Variants in PCDH7 observed in about 807,000 individuals in gnomAD.
The protein encoded by PCDH7 is protocadherin 7, also known as protocadherin-7.
In PCDH7, 17 loss-of-function variants were observed where a neutral mutation model predicts 58.9. That is an observed-to-expected ratio of 0.29 (90% confidence interval 0.20 to 0.43). PCDH7 has a LOEUF of 0.43. Among genes scored for constraint, PCDH7 ranks in the 20% least tolerant of loss-of-function variants. The pLI is 1.00. For missense variants in PCDH7, 1,274 were observed against 1,441.0 expected, an observed-to-expected ratio of 0.88 and a Z score of 1.88; for synonymous variants, 664 against 616.4, an observed-to-expected ratio of 1.08 and a Z score of -1.14.
At chr4:30,824,412 T>A (rs1728846632) in intron 1 of PCDH7, among the ~76,000 whole-genome samples, 1 of 152,076 alleles carries the variant, frequency 6.6e-6, no homozygotes, top group Admixed American at 6.6e-5. Flanking sequence ...AAGACATTAT[T>A]TTCCTTTAAA....
intron 1 of PCDH7, among the ~76,000 whole-genome samples, chr4:30,755,451 AAG>A (rs947802183): frequency 2.6e-5 from 4 of 152,144 alleles, no homozygotes; most frequent in African/African-American, 7.2e-5. Context: ...ACAGAAAAAA[AAG>A]AGAGGCCTCT....
chr4:31,137,243 G>T (rs954156964), intron 3 of PCDH7, among the ~76,000 whole-genome samples: 9 of 152,202 alleles, frequency 5.9e-5, no homozygotes, highest in Admixed American at 6.6e-5. Context: ...AAAAGTTCCT[G>T]CATGTGGTTT....
intron 3 of PCDH7, among the ~76,000 whole-genome samples, chr4:31,054,697 A>G (rs538991834): frequency 4.3e-4 from 66 of 152,314 alleles, no homozygotes; most frequent in Admixed American, 1.2e-3. Flanking sequence ...AAAGATTTCT[A>G]TTCTTGGTGC....
intron 1 of PCDH7, among the ~76,000 whole-genome samples, chr4:30,841,072 A>G (rs1347836863): frequency 6.6e-6 from 1 of 152,152 alleles, no homozygotes; most frequent in Non-Finnish European, 1.5e-5. Flanking sequence ...ATCTTGATAT[A>G]TATATCTCGA....
chr4:30,894,491 ATATAT>A (rs1251275715), intron 1 of PCDH7, among the ~76,000 whole-genome samples: 1 of 28,130 alleles, frequency 3.6e-5, no homozygotes, highest in Non-Finnish European at 6.9e-5. Flanking sequence ...AAAAAAAAAA[ATATAT>A]ATATATATAT....
intron 1 of PCDH7, among the ~76,000 whole-genome samples, chr4:30,753,583 C>T (rs943022451): frequency 1.2e-4 from 19 of 152,182 alleles, no homozygotes; most frequent in African/African-American, 4.3e-4. Flanking sequence ...GGATTTTTGA[C>T]ACAGGGCTCA....
At chr4:30,808,511 G>A (rs1363859306) in intron 1 of PCDH7, among the ~76,000 whole-genome samples, 3 of 152,034 alleles carry the variant, frequency 2.0e-5, no homozygotes, top group Non-Finnish European at 4.4e-5. Context: ...ACTACAAAGA[G>A]TGGAGTCTCC....
intron 3 of PCDH7, among the ~76,000 whole-genome samples, chr4:30,995,490 C>T (rs1374830709): frequency 6.7e-6 from 1 of 149,648 alleles, no homozygotes; most frequent in African/African-American, 2.5e-5. Context: ...CCAGCCTGGG[C>T]GACAGAGCGA....
rs74611693 is a variant in PCDH7, at chr4:30,926,811, G to T, written c.287+6442G>T. Among the ~76,000 whole-genome samples the T allele has an allele frequency of 6.3e-3, 953 of 152,138 alleles. 33 individuals are homozygous for T. The highest frequency in any genetic ancestry group is 0.047 in the Admixed American group (713 of 15,282). ...TACATTCTTTTCTCTTTTTTTAAGT[G>T]TTCTAGTTGAATGCATTATTTTTCA... On this transcript the variant is annotated intron_variant, in intron 2 of 3. Coordinates refer to the PCDH7 transcript ENST00000509759.
intron 3 of PCDH7, among the ~76,000 whole-genome samples, chr4:31,123,519 C>A (rs1340150410): frequency 6.6e-6 from 1 of 152,048 alleles, no homozygotes; most frequent in Non-Finnish European, 1.5e-5. Context: ...CCTTTGGGCG[C>A]CAACAGGAAT....
At chr4:30,751,605 A>G (rs1560331392) in intron 1 of PCDH7, among the ~76,000 whole-genome samples, 1 of 152,150 alleles carries the variant, frequency 6.6e-6, no homozygotes, top group Non-Finnish European at 1.5e-5. Flanking sequence ...ATTTGACAGT[A>G]TTAAAATATG....
chr4:30,847,325 C>G (rs1732111405), intron 1 of PCDH7, among the ~76,000 whole-genome samples: 1 of 152,092 alleles, frequency 6.6e-6, no homozygotes, highest in East Asian at 1.9e-4. Context: ...TGTTAGCTTT[C>G]TGCATTAGAG....
intron 1 of PCDH7, among the ~76,000 whole-genome samples, chr4:30,914,080 CAGAT>C (rs1375438792): frequency 4.6e-5 from 7 of 152,122 alleles, no homozygotes; most frequent in African/African-American, 1.7e-4. Context: ...GCAAGCATGG[CAGAT>C]AGAGGACCTC....
At chr4:30,817,367 T>C (rs1727816561) in intron 1 of PCDH7, among the ~76,000 whole-genome samples, 1 of 152,202 alleles carries the variant, frequency 6.6e-6, no homozygotes, top group Non-Finnish European at 1.5e-5. Context: ...AGTTGTTATT[T>C]TAGTATTTTG....
chr4:30,770,418 A>G (rs893002383), intron 1 of PCDH7, among the ~76,000 whole-genome samples: 8 of 152,186 alleles, frequency 5.3e-5, no homozygotes, highest in African/African-American at 1.7e-4. Flanking sequence ...AATAAGAAAT[A>G]GCTTGAGTGT....
At chr4:31,125,237 C>T (rs1718163232) in intron 3 of PCDH7, among the ~76,000 whole-genome samples, 1 of 152,192 alleles carries the variant, frequency 6.6e-6, no homozygotes, top group South Asian at 2.1e-4. Flanking sequence ...ACAGGTTGGA[C>T]ACCAACAGTC....
chr4:30,779,046 TCTCA>T (rs892555468), intron 1 of PCDH7, among the ~76,000 whole-genome samples: 4 of 125,600 alleles, frequency 3.2e-5, no homozygotes, highest in Non-Finnish European at 6.3e-5. Context: ...GGAGACGGAG[TCTCA>T]CTCTGTGTCG....
chr4:30,765,125 CTTTTTT>C (rs10692198), intron 1 of PCDH7, among the ~76,000 whole-genome samples: 1,755 of 49,216 alleles, frequency 0.036, 85 homozygotes, highest in Middle Eastern at 0.12. Context: ...ACTTCAGATG[CTTTTTT>C]TTTTTTTTTT....
chr4:30,746,201 T>C (rs1717759377), intron 1 of PCDH7, among the ~76,000 whole-genome samples: 1 of 152,228 alleles, frequency 6.6e-6, no homozygotes, highest in Non-Finnish European at 1.5e-5. Context: ...GAAATAATAG[T>C]GGCTGAATAC....
Sources: allele counts gnomAD v4.1 joint callset (sites outside exome capture counted in the v4.1 genomes callset), GRCh38; gene constraint gnomAD v4.1.1; transcripts MANE v1.5; gene names NCBI Gene and HGNC (gene_info 2026-07-23, HGNC 2026-07-21).